ZNF629: variants seen among roughly 807,000 people sequenced by gnomAD.
ZNF629 encodes DNA-binding protein.
Under a neutral mutation model 59.7 loss-of-function variants are expected in ZNF629, and 9 were observed. The ratio of observed to expected loss-of-function variants is 0.15; its 90% CI spans 0.09 to 0.26. The LOEUF (loss-of-function observed/expected upper bound fraction) is 0.26, where lower values mean the gene tolerates loss of function less well. ZNF629 is among the 10% of genes least tolerant of loss of function. The pLI is 1.00. For missense variants in ZNF629, 853 were observed against 1,165.4 expected (o/e 0.73, Z 3.90); for synonymous variants, 509 against 498.9 (o/e 1.02, Z -0.27).
chr16:30,783,700 C>A lies in ZNF629; in HGVS notation c.628G>T (p.Asp210Tyr). ...HTGEKPYKCP[D>Y]CGKCFSWSSN... is the part of the protein sequence containing the mutation. ...CTCCAGCTGAAGCACTTGCCGCAGT[C>A]GGGGCACTTGTAGGGCTTCTCGCCG... The change falls in exon 3 of 3, where the codon GAC becomes TAC. Residue 210 changes from aspartate (D) to tyrosine (Y), a missense_variant. This residue lies in a region of ZNF629 where 201 missense variants were observed against 536.5 expected (regional missense o/e 0.37). Coordinates refer to ENST00000262525, the MANE Select transcript of ZNF629 (RefSeq NM_001080417.3). 6.2e-7 allele frequency: 1 copy of A among 1,613,758 alleles called. No homozygotes were observed. The highest frequency in any genetic ancestry group is 8.5e-7 in the Non-Finnish European group (1 of 1,179,798).
Position 30,783,324 on chromosome 16 carries a change from T to C in ZNF629, c.1004A>G (p.Gln335Arg), listed in dbSNP as rs2054301046. ...KSFIQSSELT[Q>R]HQRTHTGEKP... ...CTCGCCTGTGTGCGTGCGCTGGTGCTGGGTCAGCTCCGAGCTCTGGATGAA... is the reference window on the plus strand; with the variant it reads ...CTCGCCTGTGTGCGTGCGCTGGTGCCGGGTCAGCTCCGAGCTCTGGATGAA... The change falls in exon 3 of 3, where the codon CAG (glutamine) becomes CGG (arginine). Residue 335 changes from glutamine to arginine, a missense_variant. Transcript: ENST00000262525. 6.2e-7 allele frequency: 1 copy of C among 1,613,658 alleles called. No individual in the cohort carries two copies. The highest frequency in any genetic ancestry group is 1.3e-5 in the African/African-American group (1 of 74,786).
In ZNF629 at chr16:30,782,786, G is replaced by A. The variant is rs2151342518; in HGVS notation, c.1542C>T (p.Phe514=). Residue 514 remains phenylalanine (F), a synonymous_variant, in exon 3 of 3, where the codon TTC becomes TTT. Transcript: ENST00000262525. ...HVRTHMDENL[F]VCSDCGKAFL... is the part of the protein sequence containing the mutation. ...AGGCCTTCCCGCAGTCGGAGCACAC[G>A]AACAGGTTCTCGTCCATGTGCGTGC... 1.2e-6 allele frequency: 2 copies of A among 1,613,982 alleles called. No individual in the cohort carries two copies. Among genetic ancestry groups the A allele is most frequent in the South Asian group, 1.1e-5 (1 of 91,092 alleles).
chr16:30,784,322 T>TC, intron 2 of ZNF629, 68 bp from the exon 3 acceptor site: 2 of 1,548,876 alleles, frequency 1.3e-6, no homozygotes, highest in Non-Finnish European at 8.7e-7. Context: ...CTCTCTTCCC[T>TC]CCCCCGGGTG....
At position 30,781,101 on chromosome 16, in the gene ZNF629, A is replaced by T. The variant is rs551067462; in HGVS notation, c.*617T>A. On this transcript the variant is annotated 3_prime_UTR_variant, in exon 3 of 3. Transcript: ENST00000262525. ...ACCTTTTCTTCCTAGTCTCTGTCTTATCTCCTCTGGGGGCTCCAGAGCTCC... is the reference window on the plus strand; with the variant it reads ...ACCTTTTCTTCCTAGTCTCTGTCTTTTCTCCTCTGGGGGCTCCAGAGCTCC... 1.3e-5 allele frequency: 2 copies of T among 152,216 alleles called. No individual in the cohort carries two copies. Among genetic ancestry groups the T allele is most frequent in the African/African-American group, 4.8e-5 (2 of 41,502 alleles). 9.4% of individuals were successfully genotyped at this position (152,216 alleles called of 1,614,324 possible). A position where few individuals can be genotyped will look rare whatever the true frequency, so the allele number is the denominator to read the frequency against.
In ZNF629 at chr16:30,786,786, C is replaced by T. The variant is rs1435637064; in HGVS notation, c.-34+242G>A. Among the ~76,000 whole-genome samples, 1 of 151,530 alleles carries T rather than the reference C, an allele frequency of 6.6e-6. No homozygotes were observed. Among genetic ancestry groups the T allele is most frequent in the Non-Finnish European group, 1.5e-5 (1 of 67,968 alleles). ...CTGCGCTGGCAGCGCTGGTCCCCGG[C>T]CCCGGCCGATCCCTCTTCCCAGAAT... On this transcript the variant is annotated intron_variant, in intron 1 of 2. Coordinates refer to ENST00000262525, the MANE Select transcript of ZNF629 (RefSeq NM_001080417.3). The surrounding 1 kb of genome is among the most constrained non-coding windows in gnomAD (Gnocchi z 4.8).
In ZNF629 at chr16:30,784,180, C is replaced by T; in HGVS notation, c.148G>A (p.Ala50Thr). 1 of 1,609,434 alleles carries T rather than the reference C, an allele frequency of 6.2e-7. No individual in the cohort carries two copies. Among genetic ancestry groups the T allele is most frequent in the East Asian group, 2.2e-5 (1 of 44,818 alleles). The change falls in exon 3 of 3, where the codon GCT becomes ACT. Residue 50 changes from alanine to threonine, a missense_variant. Around this residue, in one of 3 missense-constraint regions of ZNF629, gnomAD observed 232 missense variants for 193.4 expected, o/e 1.20. Transcript: ENST00000262525. ...SGEEIIMGDPAQSPESKDSTE... is the reference protein window; with the variant it reads ...SGEEIIMGDPTQSPESKDSTE... ...GAGTCCTTGGATTCTGGACTCTGAG[C>T]CGGGTCTCCCATGATGATCTCCTCC... is the stretch of plus-strand genomic sequence containing the variant.
rs931458535 is a variant in ZNF629 at position 30,786,968 on chromosome 16, C to T, written c.-34+60G>A. Reference sequence around the variant, plus strand: ...CCCGCCTCCCGGGCCCCATTGTTCCCCGGCGGCCGTCCCGGGCACTCCAGG... The same window carrying T: ...CCCGCCTCCCGGGCCCCATTGTTCCTCGGCGGCCGTCCCGGGCACTCCAGG... On this transcript the variant is annotated intron_variant, in intron 1 of 2. Coordinates refer to ENST00000262525, the MANE Select transcript of ZNF629 (RefSeq NM_001080417.3). The surrounding 1 kb of genome is among the most constrained non-coding windows in gnomAD (Gnocchi z 4.8). The T allele has an allele frequency of 3.9e-5, 6 of 152,124 alleles. No individual in the cohort carries two copies. Among genetic ancestry groups the T allele is most frequent in the Non-Finnish European group, 5.9e-5 (4 of 68,002 alleles). The allele number at this position is 152,124 out of a possible 1,614,324, so 9.4% of individuals were successfully genotyped here.
At position 30,784,138 on chromosome 16, in the gene ZNF629, C is replaced by T; in HGVS notation, c.190G>A (p.Glu64Lys). 6.2e-7 allele frequency: 1 copy of T among 1,609,446 alleles called. No homozygotes were observed. Among genetic ancestry groups the T allele is most frequent in the Non-Finnish European group, 8.5e-7 (1 of 1,178,970 alleles). Residue 64 changes from glutamate (E) to lysine (K), a missense_variant, in exon 3 of 3, where the codon GAG (glutamate) becomes AAG (lysine). Transcript: ENST00000262525. ...ESKDSTEMSLERSSQDPSVPQ... is the reference protein window; with the variant it reads ...ESKDSTEMSLKRSSQDPSVPQ... Reference sequence around the variant, plus strand: ...ACAGAGGGGTCCTGGGAGGATCTCTCCAGGGACATCTCTGTTGAGTCCTTG... The same window carrying T: ...ACAGAGGGGTCCTGGGAGGATCTCTTCAGGGACATCTCTGTTGAGTCCTTG...
chr16:30,781,911 A>C lies in ZNF629; in HGVS notation c.2417T>G (p.Val806Gly). 1 of 1,527,984 alleles carries C rather than the reference A, an allele frequency of 6.5e-7. No individual in the cohort carries two copies. Among genetic ancestry groups the C allele is most frequent in the Non-Finnish European group, 8.8e-7 (1 of 1,136,430 alleles). The allele number at this position is 1,527,984 out of a possible 1,614,324, so 94.7% of individuals were successfully genotyped here. A position where few individuals can be genotyped will look rare whatever the true frequency, so the allele number is the denominator to read the frequency against. ...PNPEDPPPEA[V>G]TLSTDQEGEG... ...ACCTTCCTGATCTGTGGACAGGGTG[A>C]CTGCCTCTGGAGGGGGGTCCTCGGG... The change falls in exon 3 of 3, where the codon GTC becomes GGC. Residue 806 changes from valine to glycine, a missense_variant. This residue lies in a region of ZNF629 where 420 missense variants were observed against 435.6 expected (regional missense o/e 0.96). Coordinates refer to ENST00000262525, the MANE Select transcript of ZNF629 (RefSeq NM_001080417.3).
rs2054339052 is a variant in ZNF629 at position 30,786,905 on chromosome 16, CG to C, written c.-34+122del. On this transcript the variant is annotated intron_variant, in intron 1 of 2. Transcript: ENST00000262525. The surrounding 1 kb of genome is among the most constrained non-coding windows in gnomAD (Gnocchi z 4.8). ...CCCGCCCCCACCCCGGCCACAGCCC[CG>C]GGCGCGGGTGGGGGGCTCAGGCCCG... 6.6e-6 allele frequency: 1 copy of C among 151,876 alleles called. No homozygotes were observed. The highest frequency in any genetic ancestry group is 2.4e-5 in the African/African-American group (1 of 41,398). The allele number at this position is 151,876 out of a possible 1,614,324, so 9.4% of individuals were successfully genotyped here. A position where few individuals can be genotyped will look rare whatever the true frequency, so the allele number is the denominator to read the frequency against.
chr16:30,782,678 G>A lies in ZNF629; in HGVS notation c.1650C>T (p.Ser550=), dbSNP rs752524007. The A allele has an allele frequency of 2.5e-6, 4 of 1,599,806 alleles. No homozygotes were observed. The highest frequency in any genetic ancestry group is 1.3e-5 in the African/African-American group (1 of 74,636). Residue 550 remains serine, a synonymous_variant, in exon 3 of 3, where the codon AGC becomes AGT. Transcript: ENST00000262525. ...KTPARRAQGD[S]LLGLGDPSLL... is the part of the protein sequence containing the mutation. Reference sequence around the variant, plus strand: ...GGGAGGGGTCCCCGAGCCCCAGCAGGCTGTCGCCCTGGGCCCTACGCGCTG... The same window carrying A: ...GGGAGGGGTCCCCGAGCCCCAGCAGACTGTCGCCCTGGGCCCTACGCGCTG...
chr16:30,782,301 A>T lies in ZNF629; in HGVS notation c.2027T>A (p.Val676Glu), dbSNP rs753189841. Reference sequence around the variant, plus strand: ...GTGGGTGAGCTGATGCTGGAGGAGCACAGAGCGATCCAGGAAGCTCTCTCC... The same window carrying T: ...GTGGGTGAGCTGATGCTGGAGGAGCTCAGAGCGATCCAGGAAGCTCTCTCC... ...HCGESFLDRSVLLQHQLTHGN... is the reference protein window; with the variant it reads ...HCGESFLDRSELLQHQLTHGN... The change falls in exon 3 of 3, where the codon GTG (valine) becomes GAG (glutamate). Residue 676 changes from valine to glutamate, a missense_variant. Val to Glu is a moderately radical substitution (Grantham distance 121, BLOSUM62 -2). Coordinates refer to ENST00000262525, the MANE Select transcript of ZNF629 (RefSeq NM_001080417.3). 1 of 1,611,468 alleles carries T rather than the reference A, an allele frequency of 6.2e-7. No homozygotes were observed. The highest frequency in any genetic ancestry group is 8.5e-7 in the Non-Finnish European group (1 of 1,178,780).
rs1057312421 is a variant in ZNF629, at chr16:30,781,865, G to A, written c.2463C>T (p.Pro821=). The A allele has an allele frequency of 1.9e-6, 3 of 1,577,152 alleles. No individual in the cohort carries two copies. Among genetic ancestry groups the A allele is most frequent in the African/African-American group, 1.4e-5 (1 of 73,600 alleles). ...DQEGEGETPT[P]TESSSHGEGQ... is the part of the protein sequence containing the mutation. ...CTTCCCCATGGCTGCTGCTCTCTGT[G>A]GGGGTAGGGGTCTCGCCCTCACCTT... The change falls in exon 3 of 3, where the codon CCC becomes CCT. Residue 821 remains proline (P), a synonymous_variant. Coordinates refer to ENST00000262525, the MANE Select transcript of ZNF629 (RefSeq NM_001080417.3).
chr16:30,787,125 A>C lies in ZNF629; in HGVS notation c.-131T>G, dbSNP rs926854198. 4.6e-5 allele frequency: 7 copies of C among 152,340 alleles called. No homozygotes were observed. The highest frequency in any genetic ancestry group is 4.6e-4 in the Admixed American group (7 of 15,250). 9.4% of individuals were successfully genotyped at this position (152,340 alleles called of 1,614,324 possible). Reference sequence around the variant, plus strand: ...TCGGGGGACGGACTGGGCGCCGAGGACTCTGGGGTCCTTCTCAAGGGGTGA... The same window carrying C: ...TCGGGGGACGGACTGGGCGCCGAGGCCTCTGGGGTCCTTCTCAAGGGGTGA... On this transcript the variant is annotated 5_prime_UTR_variant, in exon 1 of 3. Coordinates refer to ENST00000262525, the MANE Select transcript of ZNF629 (RefSeq NM_001080417.3).
rs370049845 is a variant in ZNF629, at chr16:30,781,891, C to T, written c.2437G>A (p.Glu813Lys). 7 of 1,553,838 alleles carry T rather than the reference C, an allele frequency of 4.5e-6. No individual in the cohort carries two copies. The African/African-American group carries it at 9.6e-5, about 21-fold the overall frequency. The stretch of plus-strand genomic sequence containing the variant: ...GGGGTAGGGGTCTCGCCCTCACCTT[C>T]CTGATCTGTGGACAGGGTGACTGCC... ...PEAVTLSTDQ[E>K]GEGETPTPTE... Residue 813 changes from glutamate (E) to lysine (K), a missense_variant, in exon 3 of 3, where the codon GAA (glutamate) becomes AAA (lysine). Glu to Lys is a moderately conservative substitution (Grantham distance 56). This residue lies in a region of ZNF629 where 420 missense variants were observed against 435.6 expected (regional missense o/e 0.96). Coordinates refer to ENST00000262525, the MANE Select transcript of ZNF629 (RefSeq NM_001080417.3).
In ZNF629 at chr16:30,783,083, G is replaced by T. The variant is rs1398766439; in HGVS notation, c.1245C>A (p.Ser415=). The T allele has an allele frequency of 1.2e-6, 2 of 1,614,010 alleles. No homozygotes were observed. Among genetic ancestry groups the T allele is most frequent in the African/African-American group, 1.3e-5 (1 of 74,930 alleles). The change falls in exon 3 of 3, where the codon TCC becomes TCA. Residue 415 remains serine, a synonymous_variant. Transcript: ENST00000262525. ...PECGKSFSVS[S]NLINHQRIHR... ...GGATGCGCTGGTGGTTGATGAGGTT[G>T]GAGCTGACGCTGAAGCTCTTGCCGC... is the stretch of plus-strand genomic sequence containing the variant.
In ZNF629 at chr16:30,779,772, C is replaced by T. The variant is rs902550473; in HGVS notation, c.*1946G>A. 7 of 152,232 alleles carry T rather than the reference C, an allele frequency of 4.6e-5. No individual in the cohort carries two copies. The highest frequency in any genetic ancestry group is 1.7e-4 in the African/African-American group (7 of 41,452). 9.4% of individuals were successfully genotyped at this position (152,232 alleles called of 1,614,324 possible). ...GTCTCTTCCACAGCTTTGCAAAAAT[C>T]TGGGTCACCCCTCTCTTGAGACGTG... On this transcript the variant is annotated 3_prime_UTR_variant, in exon 3 of 3. Transcript: ENST00000262525.
rs563353351 is a variant in ZNF629 at position 30,782,487 on chromosome 16, A to G, written c.1841T>C (p.Leu614Ser). 2.6e-6 allele frequency: 4 copies of G among 1,567,312 alleles called. No homozygotes were observed. The South Asian group carries it at 4.7e-5, about 18-fold the overall frequency. The stretch of plus-strand genomic sequence containing the variant: ...TCTGAAAGGGAGCCTTGGGGATCGT[A>G]ACTGAGGAGGTTTGGGGGCTGCGTG... ...IAHAAPKPPQ[L>S]RSPRLPFRGN... The change falls in exon 3 of 3, where the codon TTA (leucine) becomes TCA (serine). Residue 614 changes from leucine to serine, a missense_variant. This residue lies in a region of ZNF629 where 420 missense variants were observed against 435.6 expected (regional missense o/e 0.96). Transcript: ENST00000262525.
chr16:30,782,407 G>A lies in ZNF629; in HGVS notation c.1921C>T (p.Leu641Phe), dbSNP rs942169433. 1.3e-6 allele frequency: 2 copies of A among 1,567,576 alleles called. No individual in the cohort carries two copies. The highest frequency in any genetic ancestry group is 2.7e-5 in the African/African-American group (2 of 73,730). Reference sequence around the variant, plus strand: ...CCCTCCTGACCCTCCGGCGGCTTAAGGGGCTGTCCGGGGGCCTCCGCTCTG... The same window carrying A: ...CCCTCCTGACCCTCCGGCGGCTTAAAGGGCTGTCCGGGGGCCTCCGCTCTG... ...EGRAEAPGQP[L>F]KPPEGQEGFS... Residue 641 changes from leucine (L) to phenylalanine (F), a missense_variant, in exon 3 of 3, where the codon CTT becomes TTT. This residue lies in a region of ZNF629 where 420 missense variants were observed against 435.6 expected (regional missense o/e 0.96). Transcript: ENST00000262525.
Sources: allele counts gnomAD v4.1 joint callset (sites outside exome capture counted in the v4.1 genomes callset), GRCh38; gene constraint gnomAD v4.1.1; regional missense constraint gnomAD v4.1.1; non-coding constraint Gnocchi (gnomAD v3.1); transcripts MANE v1.5; gene names NCBI Gene and HGNC (gene_info 2026-07-23, HGNC 2026-07-21).